MEIKIN: variants seen among roughly 807,000 people sequenced by gnomAD.
MEIKIN encodes the protein meiosis-specific kinetochore protein.
intron 11 of MEIKIN, among the ~76,000 whole-genome samples, chr5:131,844,585 C>G (rs1749976855): frequency 6.6e-6 from 1 of 151,984 alleles, no homozygotes. Context: ...CAGAGAGAAC[C>G]CCAGCAATAT....
chr5:131,853,423 G>A (rs1382340139), intron 10 of MEIKIN, among the ~76,000 whole-genome samples: 1 of 152,120 alleles, frequency 6.6e-6, no homozygotes, highest in Non-Finnish European at 1.5e-5. Context: ...TTGGATATTT[G>A]ACTGAAGACT....
chr5:131,814,276 AT>A (rs1773059446), intron 12 of MEIKIN, among the ~76,000 whole-genome samples: 1 of 98,166 alleles, frequency 1.0e-5, no homozygotes. Context: ...CATTGGACAG[AT>A]CTTTTTTTTT....
chr5:131,887,412 C>T (rs542508895), intron 8 of MEIKIN, among the ~76,000 whole-genome samples: 1 of 152,246 alleles, frequency 6.6e-6, no homozygotes, highest in African/African-American at 2.4e-5. Context: ...TGAGGAATTG[C>T]CACACTGTCT....
At chr5:131,884,467 C>T (rs1750743835) in intron 8 of MEIKIN, among the ~76,000 whole-genome samples, 1 of 151,660 alleles carries the variant, frequency 6.6e-6, no homozygotes, top group Non-Finnish European at 1.5e-5. Flanking sequence ...GGAAGGAAGA[C>T]CCAATCCTGG....
At chr5:131,939,663 T>A (rs180723048) in intron 4 of MEIKIN, among the ~76,000 whole-genome samples, 1 of 152,318 alleles carries the variant, frequency 6.6e-6, no homozygotes, top group Admixed American at 6.5e-5. Flanking sequence ...TTAACTAAAA[T>A]TCTGTGGGCT....
chr5:131,905,989 C>T (rs1054475834), intron 8 of MEIKIN, among the ~76,000 whole-genome samples: 79 of 152,060 alleles, frequency 5.2e-4, no homozygotes, highest in Admixed American at 3.3e-3. Flanking sequence ...ATAACAATGA[C>T]GCCAAAAGAA....
intron 9 of MEIKIN, among the ~76,000 whole-genome samples, chr5:131,866,342 T>A (rs2149622036): frequency 6.6e-6 from 1 of 152,278 alleles, no homozygotes; most frequent in South Asian, 2.1e-4. Context: ...CTGGATAGTG[T>A]CCTTGGGTAC....
intron 8 of MEIKIN, among the ~76,000 whole-genome samples, chr5:131,897,430 C>A (rs1034612199): frequency 6.6e-6 from 1 of 152,144 alleles, no homozygotes; most frequent in Non-Finnish European, 1.5e-5. Flanking sequence ...TGAATGTTGG[C>A]CTGCCTTGCT....
chr5:131,846,819 CA>C (rs938170807), intron 11 of MEIKIN, among the ~76,000 whole-genome samples: 4 of 151,782 alleles, frequency 2.6e-5, no homozygotes, highest in Non-Finnish European at 5.9e-5. Context: ...GTTTCCATCT[CA>C]AAAAAATTAT....
chr5:131,890,605 C>G (rs1750893457), intron 8 of MEIKIN, among the ~76,000 whole-genome samples: 1 of 152,156 alleles, frequency 6.6e-6, no homozygotes, highest in South Asian at 2.1e-4. Context: ...ATTCTTCTCT[C>G]TTTTCTTCTT....
chr5:131,823,656 G>C (rs1480639159), intron 11 of MEIKIN, among the ~76,000 whole-genome samples: 1 of 152,020 alleles, frequency 6.6e-6, no homozygotes, highest in Non-Finnish European at 1.5e-5. Context: ...CTGTCTGAAA[G>C]GACATATATC....
rs368611511 is a variant in MEIKIN, at chr5:131,943,457, A to G, written c.289-762T>C. 7.2e-5 allele frequency among the ~76,000 whole-genome samples: 11 copies of G among 152,356 alleles called. No individual in the cohort carries two copies. In the South Asian group the frequency reaches 1.0e-3, roughly 14 times the overall value. The stretch of plus-strand genomic sequence containing the variant: ...TGTAACAGAATGTCTATGGATATCA[A>G]TAACAGCAAAACCTTGGAAACAATC... On this transcript the variant is annotated intron_variant, in intron 3 of 12. Transcript: ENST00000442687.
intron 8 of MEIKIN, among the ~76,000 whole-genome samples, chr5:131,887,236 G>A (rs1357238568): frequency 2.0e-5 from 3 of 152,050 alleles, no homozygotes; most frequent in African/African-American, 7.3e-5. Flanking sequence ...TATCATTGAT[G>A]GACATTTAGG....
chr5:131,886,983 G>C (rs1207412818), intron 8 of MEIKIN, among the ~76,000 whole-genome samples: 2 of 107,810 alleles, frequency 1.9e-5, no homozygotes, highest in Non-Finnish European at 3.5e-5. Flanking sequence ...CCATCCCCCA[G>C]CTCCCCATCC....
chr5:131,872,623 A>G (rs936838464), intron 9 of MEIKIN, among the ~76,000 whole-genome samples: 2 of 152,214 alleles, frequency 1.3e-5, no homozygotes, highest in South Asian at 2.1e-4. Context: ...GCAGGCCAAC[A>G]TTCACATTCA....
intron 6 of MEIKIN, 142 bp from the exon 7 acceptor site, chr5:131,917,067 A>T (rs1055742310): frequency 2.7e-6 from 1 of 372,850 alleles, no homozygotes; most frequent in African/African-American, 2.1e-5. Context: ...AAATTAGGTA[A>T]AAATATTTTC....
intron 8 of MEIKIN, among the ~76,000 whole-genome samples, chr5:131,884,883 A>G (rs961203921): frequency 1.3e-5 from 2 of 152,086 alleles, no homozygotes; most frequent in Non-Finnish European, 1.5e-5. Context: ...ACTGGTGGGT[A>G]CCCTGGCAGT....
intron 8 of MEIKIN, among the ~76,000 whole-genome samples, chr5:131,882,136 A>G (rs1317721513): frequency 6.6e-6 from 1 of 152,178 alleles, no homozygotes; most frequent in African/African-American, 2.4e-5. Flanking sequence ...CCTGTAAAAT[A>G]TATTCCAAAT....
chr5:131,842,395 A>C (rs1749930996), intron 11 of MEIKIN, among the ~76,000 whole-genome samples: 1 of 152,152 alleles, frequency 6.6e-6, no homozygotes, highest in Non-Finnish European at 1.5e-5. Context: ...TTTTAGAAGA[A>C]ACTTTCAGCT....
Sources: allele counts gnomAD v4.1 joint callset (sites outside exome capture counted in the v4.1 genomes callset), GRCh38; gene constraint gnomAD v4.1.1; transcripts MANE v1.5; gene names NCBI Gene and HGNC (gene_info 2026-07-23, HGNC 2026-07-21).